NFIB: variants seen among roughly 807,000 people sequenced by gnomAD.
NFIB encodes the protein nuclear factor I B, also known as nuclear factor 1 B-type.
NFIB carries 11 observed loss-of-function variants against 61.5 expected under a neutral mutation model. The ratio of observed to expected loss-of-function variants is 0.18; its 90% confidence interval spans 0.11 to 0.30. NFIB has a LOEUF of 0.30. NFIB is among the 10% of genes least tolerant of loss of function. NFIB has a pLI of 1.00. For missense variants in NFIB, 471 were observed against 608.9 expected (o/e 0.77, Z 2.38); for synonymous variants, 260 against 216.5 (o/e 1.20, Z -1.76).
At chr9:14,336,301 T>C (rs879060812) in intron 1 of NFIB, among the ~76,000 whole-genome samples, 1 of 152,242 alleles carries the variant, frequency 6.6e-6, no homozygotes, top group Admixed American at 6.5e-5. Context: ...TTCAAAGATA[T>C]GTTTTTATAA....
At chr9:14,470,153 A>G in the NFIB span, among the ~76,000 whole-genome samples, 2 of 152,206 alleles carry the variant, frequency 1.3e-5, no homozygotes, top group Non-Finnish European at 1.5e-5. Context: ...CATGAGGACT[A>G]AAATGAGTTC....
At chr9:14,511,197 G>T in the NFIB span, among the ~76,000 whole-genome samples, 1 of 151,902 alleles carries the variant, frequency 6.6e-6, no homozygotes, top group African/African-American at 2.4e-5. Context: ...TTTTATAGAA[G>T]AAAAAAGTAA....
At chr9:14,212,557 A>G (rs1169678407) in intron 2 of NFIB, among the ~76,000 whole-genome samples, 1 of 152,136 alleles carries the variant, frequency 6.6e-6, no homozygotes, top group South Asian at 2.1e-4. Context: ...AAAATTGTCC[A>G]TATTGTTTGA....
chr9:14,476,585 A>C, the NFIB span, among the ~76,000 whole-genome samples: 1 of 152,202 alleles, frequency 6.6e-6, no homozygotes, highest in Non-Finnish European at 1.5e-5. Context: ...TTATTGCTTC[A>C]GGATTATTTC....
At chr9:14,461,099 T>C in the NFIB span, among the ~76,000 whole-genome samples, 1 of 152,112 alleles carries the variant, frequency 6.6e-6, no homozygotes, top group Non-Finnish European at 1.5e-5. Flanking sequence ...CTCAATCTTC[T>C]CCACAGTCCC....
At chr9:14,410,705 A>G in the NFIB span, among the ~76,000 whole-genome samples, 1 of 152,162 alleles carries the variant, frequency 6.6e-6, no homozygotes, top group Non-Finnish European at 1.5e-5. Context: ...TGGGAGCATC[A>G]TACTCCTTTT....
Position 14,386,691 on chromosome 9 carries a change from A to C in NFIB, c.108+11833T>G, listed in dbSNP as rs16931667. ...TATATGCCAGTGTTTAAAGTTCAGTATGATGAATGTTAGTGCTTCTATTTT... is the reference window on the plus strand; with the variant it reads ...TATATGCCAGTGTTTAAAGTTCAGTCTGATGAATGTTAGTGCTTCTATTTT... On this transcript the variant is annotated intron_variant, in intron 1 of 8. Coordinates refer to the NFIB transcript ENST00000380934. Among the ~76,000 whole-genome samples, 531 of 152,336 alleles carry C rather than the reference A, an allele frequency of 3.5e-3. 2 individuals carry two copies. The highest frequency in any genetic ancestry group is 0.012 in the African/African-American group (503 of 41,586).
the NFIB span, among the ~76,000 whole-genome samples, chr9:14,438,054 G>A: frequency 2.6e-5 from 4 of 151,830 alleles, no homozygotes; most frequent in Admixed American, 6.5e-5. Flanking sequence ...GCGTGTGCAC[G>A]CATGTGTGTG....
the NFIB span, among the ~76,000 whole-genome samples, chr9:14,514,761 G>T: frequency 6.6e-6 from 1 of 152,032 alleles, no homozygotes; most frequent in African/African-American, 2.4e-5. Context: ...CTCAGTTTGG[G>T]TTGCTCAGTG....
chr9:14,415,830 T>C, the NFIB span, among the ~76,000 whole-genome samples: 1 of 152,214 alleles, frequency 6.6e-6, no homozygotes, highest in Non-Finnish European at 1.5e-5. Flanking sequence ...CACCCCCGTA[T>C]GGTACAGGCC....
At chr9:14,480,926 C>A in the NFIB span, among the ~76,000 whole-genome samples, 1 of 151,880 alleles carries the variant, frequency 6.6e-6, no homozygotes. Context: ...AATTTCAGAT[C>A]CAGGCTTTAA....
At chr9:14,103,921 A>C (rs2036154833) in intron 10 of NFIB, among the ~76,000 whole-genome samples, 1 of 151,748 alleles carries the variant, frequency 6.6e-6, no homozygotes, top group East Asian at 1.9e-4. Flanking sequence ...AAAAATAAAT[A>C]TTCTTTTTTT....
intron 1 of NFIB, among the ~76,000 whole-genome samples, chr9:14,384,548 C>G (rs954049978): frequency 1.3e-5 from 2 of 152,110 alleles, no homozygotes; most frequent in African/African-American, 4.8e-5. Flanking sequence ...AAAAAAGAAC[C>G]ATATGGTAAT....
chr9:14,219,595 T>C (rs1314137650), intron 2 of NFIB, among the ~76,000 whole-genome samples: 1 of 152,172 alleles, frequency 6.6e-6, no homozygotes, highest in Admixed American at 6.5e-5. Flanking sequence ...TATTCCTGCT[T>C]TACACGTATT....
intron 6 of NFIB, among the ~76,000 whole-genome samples, chr9:14,129,193 G>C (rs1162235002): frequency 6.6e-6 from 1 of 151,996 alleles, no homozygotes; most frequent in Non-Finnish European, 1.5e-5. Flanking sequence ...GAATGGGAAG[G>C]TTCACTGACC....
At chr9:14,336,448 G>A (rs1258440529) in intron 1 of NFIB, among the ~76,000 whole-genome samples, 1 of 152,234 alleles carries the variant, frequency 6.6e-6, no homozygotes. Context: ...TGGGCCTGGG[G>A]AAACCCAGGT....
chr9:14,146,660 G>T, intron 6 of NFIB, 29 bp downstream of exon 6: 1 of 1,612,440 alleles, frequency 6.2e-7, no homozygotes. Context: ...TTTACTCATG[G>T]TCTCTAGAGG....
At chr9:14,098,379 G>A (rs1436136675) in intron 10 of NFIB, among the ~76,000 whole-genome samples, 1 of 152,148 alleles carries the variant, frequency 6.6e-6, no homozygotes, top group Non-Finnish European at 1.5e-5. Context: ...TTTCTCTTTT[G>A]CATAAAGCAC....
intron 2 of NFIB, among the ~76,000 whole-genome samples, chr9:14,210,742 T>A (rs932521205): frequency 6.6e-6 from 1 of 152,128 alleles, no homozygotes; most frequent in African/African-American, 2.4e-5. Flanking sequence ...CATTCACTGT[T>A]TTAATTTGTT....
Sources: allele counts gnomAD v4.1 joint callset (sites outside exome capture counted in the v4.1 genomes callset), GRCh38; gene constraint gnomAD v4.1.1; transcripts MANE v1.5; gene names NCBI Gene and HGNC (gene_info 2026-07-23, HGNC 2026-07-21).